The following RUNDC3B variants were observed in gnomAD, a reference collection of about 807,000 sequenced individuals.
The protein encoded by RUNDC3B is RUN domain containing 3B.
A neutral mutation model predicts 58.4 loss-of-function variants in RUNDC3B; 33 were observed. The observed-to-expected ratio is 0.56, with a 90% CI of 0.43 to 0.75. The LOEUF (loss-of-function observed/expected upper bound fraction) is 0.75. RUNDC3B is among the 30% of genes least tolerant of loss of function. The probability of loss-of-function intolerance (pLI) is 0.00; values close to 1 mark genes in which losing one functional copy is unlikely to be tolerated. For missense variants in RUNDC3B, 501 were observed against 535.7 expected, an observed-to-expected ratio of 0.94 and a Z score of 0.64; for synonymous variants, 193 against 195.2, an observed-to-expected ratio of 0.99 and a Z score of 0.10.
intron 1 of RUNDC3B, among the ~76,000 whole-genome samples, chr7:87,644,449 A>G (rs998491130): frequency 1.3e-5 from 2 of 152,236 alleles, no homozygotes; most frequent in South Asian, 2.1e-4. Flanking sequence ...TTGGTTTGAA[A>G]TAGTGGAGAG....
chr7:87,800,796 A>G (rs1584241048), intron 8 of RUNDC3B, among the ~76,000 whole-genome samples: 1 of 151,948 alleles, frequency 6.6e-6, no homozygotes, highest in East Asian at 1.9e-4. Flanking sequence ...ACAAGCATGT[A>G]CCACCTTGCT....
intron 3 of RUNDC3B, chr7:87,709,114 C>A: frequency 3.6e-6 from 1 of 277,486 alleles, no homozygotes; most frequent in Non-Finnish European, 5.5e-6. Flanking sequence ...ACAACTTATC[C>A]TTATAATATA....
chr7:87,803,132 G>T (rs1045287411), intron 8 of RUNDC3B, among the ~76,000 whole-genome samples: 2 of 152,124 alleles, frequency 1.3e-5, no homozygotes, highest in African/African-American at 4.8e-5. Context: ...CTTTTCAGGG[G>T]TTAGCTAGGT....
intron 2 of RUNDC3B, among the ~76,000 whole-genome samples, chr7:87,661,008 A>G (rs1824648506): frequency 6.6e-6 from 1 of 151,960 alleles, no homozygotes; most frequent in South Asian, 2.1e-4. Context: ...TGAGAAGAAG[A>G]TGTATTCTTA....
At chr7:87,738,296 A>G (rs911799263) in intron 4 of RUNDC3B, among the ~76,000 whole-genome samples, 1 of 152,036 alleles carries the variant, frequency 6.6e-6, no homozygotes, top group Admixed American at 6.6e-5. Flanking sequence ...ATATTTGTCT[A>G]AATATTTTAC....
chr7:87,800,407 A>C (rs1836079241), intron 8 of RUNDC3B, among the ~76,000 whole-genome samples: 1 of 152,200 alleles, frequency 6.6e-6, no homozygotes, highest in Non-Finnish European at 1.5e-5. Context: ...ACTGATGGGC[A>C]CTTATGTTTA....
chr7:87,829,311 A>C (rs953492599), intron 10 of RUNDC3B, among the ~76,000 whole-genome samples: 1 of 152,036 alleles, frequency 6.6e-6, no homozygotes, highest in Non-Finnish European at 1.5e-5. Context: ...GAAGCTCTTT[A>C]GTTTAATTAG....
At chr7:87,826,443 A>G (rs1837812665) in intron 10 of RUNDC3B, among the ~76,000 whole-genome samples, 1 of 151,540 alleles carries the variant, frequency 6.6e-6, no homozygotes. Context: ...AGTATCAAGT[A>G]TGCCTTATCA....
chr7:87,728,373 C>T (rs1454317356), intron 4 of RUNDC3B, among the ~76,000 whole-genome samples: 1 of 152,134 alleles, frequency 6.6e-6, no homozygotes, highest in African/African-American at 2.4e-5. Context: ...GTGTTAGTTT[C>T]CTATTGTTAC....
At chr7:87,685,192 C>G (rs748627220) in intron 2 of RUNDC3B, among the ~76,000 whole-genome samples, 1 of 152,128 alleles carries the variant, frequency 6.6e-6, no homozygotes, top group African/African-American at 2.4e-5. Context: ...ACATGTTTGA[C>G]AAAGGGATTG....
chr7:87,636,071 A>G (rs1821735655), intron 1 of RUNDC3B, among the ~76,000 whole-genome samples: 1 of 152,108 alleles, frequency 6.6e-6, no homozygotes, highest in East Asian at 1.9e-4. Flanking sequence ...TTGTGATGAT[A>G]TGTACATTTT....
intron 2 of RUNDC3B, among the ~76,000 whole-genome samples, chr7:87,670,980 T>C (rs780802312): frequency 1.3e-5 from 2 of 152,234 alleles, no homozygotes; most frequent in Admixed American, 1.3e-4. Context: ...TCAGTGTTTA[T>C]GTTTCTTTCT....
intron 2 of RUNDC3B, among the ~76,000 whole-genome samples, chr7:87,680,128 T>TTGG: frequency 6.6e-6 from 1 of 150,416 alleles, no homozygotes; most frequent in African/African-American, 2.5e-5. Context: ...CATGCAGTGT[T>TTGG]TGGTTTTCTG....
rs180809886 is a variant in RUNDC3B at position 87,658,478 on chromosome 7, C to T, written c.238+7541C>T. Among the ~76,000 whole-genome samples, 46 of 152,216 alleles carry T rather than the reference C, an allele frequency of 3.0e-4. No homozygotes were observed. In the East Asian group the frequency reaches 6.9e-3, roughly 23 times the overall value. On this transcript the variant is annotated intron_variant, in intron 2 of 10. Transcript: ENST00000394654. ...AAGAAGGTGGGACTGAAAAAGTACT[C>T]AACAGCTGAAAATTTCCCAAAGTTA...
At chr7:87,715,472 AT>A (rs1391307009) in intron 4 of RUNDC3B, among the ~76,000 whole-genome samples, 1 of 132,336 alleles carries the variant, frequency 7.6e-6, no homozygotes, top group Non-Finnish European at 1.5e-5. Context: ...ATTAATTTAT[AT>A]TAATATATAA....
chr7:87,671,115 G>A (rs545260786), intron 2 of RUNDC3B, among the ~76,000 whole-genome samples: 1 of 152,310 alleles, frequency 6.6e-6, no homozygotes, highest in Non-Finnish European at 1.5e-5. Flanking sequence ...ATCAGACCAG[G>A]ATGGAGGGTC....
At chr7:87,818,937 A>G (rs765980818) in intron 10 of RUNDC3B, among the ~76,000 whole-genome samples, 5 of 152,086 alleles carry the variant, frequency 3.3e-5, no homozygotes, top group South Asian at 2.1e-4. Context: ...AACAACAACA[A>G]CAGCATACTT....
intron 8 of RUNDC3B, among the ~76,000 whole-genome samples, chr7:87,783,140 A>AGT (rs148399735): frequency 6.3e-4 from 94 of 150,224 alleles, no homozygotes; most frequent in African/African-American, 2.0e-3. Flanking sequence ...CTCCAATGTC[A>AGT]GTGTGTGTGT....
chr7:87,717,468 C>T (rs1403946844), intron 4 of RUNDC3B, among the ~76,000 whole-genome samples: 1 of 151,944 alleles, frequency 6.6e-6, no homozygotes, highest in African/African-American at 2.4e-5. Flanking sequence ...AGACCAATTA[C>T]TAGCTACCTT....
Sources: allele counts gnomAD v4.1 joint callset (sites outside exome capture counted in the v4.1 genomes callset), GRCh38; gene constraint gnomAD v4.1.1; transcripts MANE v1.5; gene names NCBI Gene and HGNC (gene_info 2026-07-23, HGNC 2026-07-21).